CCDC6: variants seen among roughly 807,000 people sequenced by gnomAD.
The protein encoded by CCDC6 is coiled-coil domain containing 6, also known as coiled-coil domain-containing protein 6.
In CCDC6, 20 loss-of-function variants were observed where a neutral mutation model predicts 56.6. The observed-to-expected ratio is 0.35, with a 90% CI of 0.25 to 0.51. The LOEUF (loss-of-function observed/expected upper bound fraction) is 0.51, where lower values mean the gene tolerates loss of function less well. Among genes scored for constraint, CCDC6 ranks in the 20% least tolerant of loss-of-function variants. The pLI is 0.95. For synonymous variants in CCDC6, 241 were observed against 234.4 expected, an observed-to-expected ratio of 1.03 and a Z score of -0.26; for missense variants, 367 against 601.1, an observed-to-expected ratio of 0.61 and a Z score of 4.07.
intron 3 of CCDC6, among the ~76,000 whole-genome samples, chr10:59,830,146 T>C (rs2070823710): frequency 6.6e-6 from 1 of 152,248 alleles, no homozygotes; most frequent in Non-Finnish European, 1.5e-5. Flanking sequence ...AAGTGGCTTA[T>C]AGTTTAAAAG....
chr10:59,821,276 C>T (rs559368730), intron 3 of CCDC6, among the ~76,000 whole-genome samples: 3 of 152,238 alleles, frequency 2.0e-5, no homozygotes, highest in East Asian at 3.9e-4. Flanking sequence ...TCACGTGCAT[C>T]TGACATGAAA....
chr10:59,894,680 G>A (rs961064754), intron 1 of CCDC6, among the ~76,000 whole-genome samples: 2 of 152,282 alleles, frequency 1.3e-5, no homozygotes, highest in Middle Eastern at 3.4e-3. Flanking sequence ...GGGATGGGGA[G>A]GGGTGGGGGG....
intron 7 of CCDC6, among the ~76,000 whole-genome samples, chr10:59,799,858 G>A (rs1349596285): frequency 6.6e-6 from 1 of 152,056 alleles, no homozygotes; most frequent in East Asian, 1.9e-4. Context: ...CTGTTCAATG[G>A]GAATACTGTA....
intron 1 of CCDC6, among the ~76,000 whole-genome samples, chr10:59,900,145 A>G (rs899206560): frequency 6.6e-6 from 1 of 152,136 alleles, no homozygotes. Context: ...TTCTGCCCCC[A>G]AAGAAATTTA....
At chr10:59,870,072 T>A (rs2071215158) in intron 1 of CCDC6, among the ~76,000 whole-genome samples, 1 of 152,174 alleles carries the variant, frequency 6.6e-6, no homozygotes, top group Non-Finnish European at 1.5e-5. Context: ...GGATGTATCT[T>A]GCCTACTGCC....
chr10:59,852,088 G>T (rs1009193461), intron 2 of CCDC6, among the ~76,000 whole-genome samples: 21 of 152,166 alleles, frequency 1.4e-4, no homozygotes, highest in African/African-American at 5.1e-4. Flanking sequence ...TTTGAACACG[G>T]TTGATTGTGG....
At chr10:59,802,506 T>C (rs1171604136) in intron 7 of CCDC6, among the ~76,000 whole-genome samples, 1 of 152,214 alleles carries the variant, frequency 6.6e-6, no homozygotes, top group East Asian at 1.9e-4. Context: ...TACAATGTAC[T>C]AGATCAGAAT....
intron 1 of CCDC6, among the ~76,000 whole-genome samples, chr10:59,853,237 A>T (rs1408966732): frequency 6.6e-6 from 1 of 152,216 alleles, no homozygotes; most frequent in Admixed American, 6.5e-5. Context: ...ATATGCCATT[A>T]AAAAGGCATT....
intron 1 of CCDC6, among the ~76,000 whole-genome samples, chr10:59,868,535 G>C (rs932909440): frequency 6.6e-6 from 1 of 152,144 alleles, no homozygotes; most frequent in Non-Finnish European, 1.5e-5. Flanking sequence ...CATCTCATTT[G>C]CTGGCTCCAG....
chr10:59,789,897 G>T lies in CCDC6; in HGVS notation c.*3020C>A. 6.6e-6 allele frequency: 1 copy of T among 150,824 alleles called. No homozygotes were observed. The highest frequency in any genetic ancestry group is 1.2e-5 in the Non-Finnish European group (1 of 80,760). 9.3% of individuals were successfully genotyped at this position (150,824 alleles called of 1,614,324 possible). A position where few individuals can be genotyped will look rare whatever the true frequency, so the allele number is the denominator to read the frequency against. On this transcript the variant is annotated 3_prime_UTR_variant, in exon 9 of 9. Coordinates refer to ENST00000263102, the MANE Select transcript of CCDC6 (RefSeq NM_005436.5). Reference sequence around the variant, plus strand: ...TTCACATTATCAATTATTTCTGGTTGAATTCTGTTAGAAGCCAATTACAAA... The same window carrying T: ...TTCACATTATCAATTATTTCTGGTTTAATTCTGTTAGAAGCCAATTACAAA...
At chr10:59,860,918 G>T (rs2071122509) in intron 1 of CCDC6, among the ~76,000 whole-genome samples, 1 of 152,052 alleles carries the variant, frequency 6.6e-6, no homozygotes, top group Non-Finnish European at 1.5e-5. Flanking sequence ...GGTATGGCTG[G>T]GCACGGTGAC....
At chr10:59,894,085 G>A (rs1180461703) in intron 1 of CCDC6, among the ~76,000 whole-genome samples, 1 of 152,182 alleles carries the variant, frequency 6.6e-6, no homozygotes, top group African/African-American at 2.4e-5. Flanking sequence ...TGTTATCATG[G>A]AATAAGACAG....
intron 2 of CCDC6, among the ~76,000 whole-genome samples, chr10:59,833,219 C>T (rs764069887): frequency 2.6e-5 from 4 of 152,130 alleles, no homozygotes; most frequent in Admixed American, 6.6e-5. Flanking sequence ...GAGGCCAAGG[C>T]GGGTGGACCA....
intron 2 of CCDC6, among the ~76,000 whole-genome samples, chr10:59,842,982 C>T (rs540702298): frequency 3.4e-5 from 5 of 149,032 alleles, no homozygotes; most frequent in Non-Finnish European, 7.4e-5. Context: ...CTCGATCTCC[C>T]GACTTCGTGA....
chr10:59,838,228 T>TCACACA (rs111779783), intron 2 of CCDC6, among the ~76,000 whole-genome samples: 28,105 of 151,102 alleles, frequency 0.19, 3,252 homozygotes, highest in Middle Eastern at 0.29. Context: ...ATAACAGCTG[T>TCACACA]CACACACACA....
At chr10:59,797,588 C>CAAAAAAAAAAAAAAAA (rs10561094) in intron 7 of CCDC6, among the ~76,000 whole-genome samples, 3 of 31,596 alleles carry the variant, frequency 9.5e-5, no homozygotes, top group African/African-American at 1.6e-4. Context: ...AACCTCCTAG[C>CAAAAAAAAAAAAAAAA]AAAAAAAAAA....
chr10:59,849,210 T>C (rs562610673), intron 2 of CCDC6, among the ~76,000 whole-genome samples: 2 of 152,314 alleles, frequency 1.3e-5, no homozygotes, highest in South Asian at 2.1e-4. Flanking sequence ...GTGAATCCCA[T>C]GGCCTGGGCT....
intron 1 of CCDC6, among the ~76,000 whole-genome samples, chr10:59,894,775 C>T (rs545249761): frequency 6.6e-6 from 1 of 152,166 alleles, no homozygotes; most frequent in South Asian, 2.1e-4. Flanking sequence ...GACCAAGGCC[C>T]AACTGGAGGG....
chr10:59,825,979 A>C (rs144449852), intron 3 of CCDC6, among the ~76,000 whole-genome samples: 2 of 152,308 alleles, frequency 1.3e-5, no homozygotes, highest in Admixed American at 1.3e-4. Context: ...GATGAGGGGC[A>C]CTGAGATGAG....
Sources: allele counts gnomAD v4.1 joint callset (sites outside exome capture counted in the v4.1 genomes callset), GRCh38; gene constraint gnomAD v4.1.1; transcripts MANE v1.5; gene names NCBI Gene and HGNC (gene_info 2026-07-23, HGNC 2026-07-21).